The following MERTK variants were observed in gnomAD, a reference collection of about 807,000 sequenced individuals.
The protein encoded by MERTK is MER proto-oncogene, tyrosine kinase.
MERTK carries 69 observed loss-of-function variants against 99.3 expected under a neutral mutation model. The observed-to-expected ratio is 0.70, with a 90% CI of 0.57 to 0.85. The LOEUF (loss-of-function observed/expected upper bound fraction) is 0.85, where lower values mean the gene tolerates loss of function less well. Ranked by LOEUF, MERTK falls within the 40% of genes least tolerant of loss-of-function variation. MERTK has a pLI of 0.00. For synonymous variants in MERTK, 426 were observed against 467.6 expected (o/e 0.91, Z 1.15); for missense variants, 1,125 against 1,249.4 (o/e 0.90, Z 1.50).
chr2:111,902,548 C>A (rs1476946952), intron 1 of MERTK, among the ~76,000 whole-genome samples: 1 of 152,136 alleles, frequency 6.6e-6, no homozygotes, highest in African/African-American at 2.4e-5. Context: ...TGTCTTCTTT[C>A]TAGGGCCTGA....
Position 112,028,970 on chromosome 2 carries a change from TC to T in MERTK, c.*108del. The T allele has an allele frequency of 6.3e-7, 1 of 1,597,362 alleles. No individual in the cohort carries two copies. Among genetic ancestry groups the T allele is most frequent in the Non-Finnish European group, 8.5e-7 (1 of 1,172,334 alleles). ...TATTTGTCTTCCTTACCAAGTGAAC[TC>T]CATGGCCCCAAAGCACCAGATGAAT... is the stretch of plus-strand genomic sequence containing the variant. On this transcript the variant is annotated 3_prime_UTR_variant, in exon 19 of 19. Coordinates refer to ENST00000295408, the MANE Select transcript of MERTK (RefSeq NM_006343.3).
At chr2:111,901,101 A>G (rs919625667) in intron 1 of MERTK, among the ~76,000 whole-genome samples, 2 of 152,214 alleles carry the variant, frequency 1.3e-5, no homozygotes. Flanking sequence ...CTGCCAAACC[A>G]GGAGCATTTC....
chr2:111,919,571 A>G (rs1684415798), intron 1 of MERTK, among the ~76,000 whole-genome samples: 1 of 151,996 alleles, frequency 6.6e-6, no homozygotes, highest in Non-Finnish European at 1.5e-5. Context: ...CCCCCATGGT[A>G]GGGACATGGA....
chr2:112,001,987 T>A (rs530998437), intron 11 of MERTK, among the ~76,000 whole-genome samples: 2 of 152,104 alleles, frequency 1.3e-5, no homozygotes, highest in Non-Finnish European at 2.9e-5. Context: ...AATTTTAAAA[T>A]TTGTCATTTA....
intron 9 of MERTK, chr2:111,996,956 A>G (rs1180653405): frequency 3.0e-5 from 9 of 299,782 alleles, no homozygotes; most frequent in Middle Eastern, 4.5e-4. Context: ...TTTAAACTAC[A>G]GTAGAAGTAA....
chr2:112,028,183 C>A, intron 18 of MERTK, 168 bp from the exon 19 acceptor site: 1 of 734,112 alleles, frequency 1.4e-6, no homozygotes, highest in Non-Finnish European at 2.2e-6. Context: ...GGAACATTTA[C>A]AAAAGTTGTA....
chr2:111,982,949 G>A lies in MERTK; in HGVS notation c.1252G>A (p.Val418Met), dbSNP rs1324077557. The change falls in exon 8 of 19, where the codon GTG becomes ATG. Residue 418 changes from valine to methionine, a missense_variant. By Grantham distance (21) the Val-to-Met change is conservative (BLOSUM62 1). Transcript: ENST00000295408. ...PPTKQQDGEL[V>M]GYRISHVWQS... is the part of the protein sequence containing the mutation. The stretch of plus-strand genomic sequence containing the variant: ...GACTAAGCAGCAGGATGGAGAACTG[G>A]TGGGCTACCGGATATCCCACGTGTG... The A allele has an allele frequency of 6.2e-7, 1 of 1,614,084 alleles. No individual in the cohort carries two copies. Among genetic ancestry groups the A allele is most frequent in the Non-Finnish European group, 8.5e-7 (1 of 1,180,038 alleles).
chr2:111,991,070 T>C (rs978749328), intron 8 of MERTK, among the ~76,000 whole-genome samples: 1 of 152,148 alleles, frequency 6.6e-6, no homozygotes, highest in Non-Finnish European at 1.5e-5. Flanking sequence ...GTGTTAGTTA[T>C]GTCTCAGCAA....
intron 8 of MERTK, among the ~76,000 whole-genome samples, chr2:111,983,201 CACTT>C (rs1676407692): frequency 6.6e-6 from 1 of 152,182 alleles, no homozygotes; most frequent in Non-Finnish European, 1.5e-5. Context: ...GGACTTTCCT[CACTT>C]ACTCATTCAT....
intron 1 of MERTK, among the ~76,000 whole-genome samples, chr2:111,905,996 C>T (rs1684130437): frequency 6.6e-6 from 1 of 152,178 alleles, no homozygotes; most frequent in African/African-American, 2.4e-5. Context: ...CTTAGAGAAA[C>T]CCCATTTCAT....
At chr2:111,903,057 G>A (rs868378333) in intron 1 of MERTK, among the ~76,000 whole-genome samples, 1 of 152,176 alleles carries the variant, frequency 6.6e-6, no homozygotes, top group Non-Finnish European at 1.5e-5. Flanking sequence ...GAGATTACAG[G>A]CGTGAGCTAT....
At chr2:111,977,877 T>A (rs1319901141) in intron 7 of MERTK, among the ~76,000 whole-genome samples, 1 of 152,196 alleles carries the variant, frequency 6.6e-6, no homozygotes, top group African/African-American at 2.4e-5. Flanking sequence ...CACCGTAATT[T>A]TTATCTCTTT....
rs145762025 is a variant in MERTK, at chr2:111,959,530, G to T, written c.758-5661G>T. Among the ~76,000 whole-genome samples the T allele has an allele frequency of 4.4e-3, 668 of 151,950 alleles. 5 individuals are homozygous for T. Among genetic ancestry groups the T allele is most frequent in the African/African-American group, 0.014 (570 of 41,408 alleles). On this transcript the variant is annotated intron_variant, in intron 4 of 18. Coordinates refer to ENST00000295408, the MANE Select transcript of MERTK (RefSeq NM_006343.3). ...GTGTGTGACAGAGCCTGACTCTGTC[G>T]CCCAGCCTGGAGTGCTCACTGTAGC...
chr2:111,940,681 G>C, intron 2 of MERTK: 2 of 743,896 alleles, frequency 2.7e-6, no homozygotes, highest in South Asian at 1.3e-5. Flanking sequence ...ATTTATCAAT[G>C]GTTCTGCATT....
intron 1 of MERTK, among the ~76,000 whole-genome samples, chr2:111,908,914 C>T (rs944149652): frequency 6.6e-6 from 1 of 152,164 alleles, no homozygotes; most frequent in African/African-American, 2.4e-5. Flanking sequence ...GTGACTGGAA[C>T]ATCTCAACAG....
intron 6 of MERTK, among the ~76,000 whole-genome samples, chr2:111,971,536 C>T (rs554070866): frequency 6.6e-6 from 1 of 152,222 alleles, no homozygotes. Flanking sequence ...AGTTTTCTGT[C>T]ATTTTCCTTG....
intron 10 of MERTK, among the ~76,000 whole-genome samples, chr2:111,998,881 A>G (rs1051274900): frequency 3.9e-5 from 6 of 152,244 alleles, no homozygotes; most frequent in African/African-American, 1.4e-4. Flanking sequence ...ATTGTTATCT[A>G]TGTCGAAGTC....
intron 7 of MERTK, among the ~76,000 whole-genome samples, chr2:111,980,852 CCTT>C (rs1300418288): frequency 4.6e-5 from 7 of 152,148 alleles, no homozygotes; most frequent in African/African-American, 1.7e-4. Flanking sequence ...GTTAATTATA[CCTT>C]CTTCATCTCT....
At chr2:111,978,815 TAGTG>T (rs888698016) in intron 7 of MERTK, among the ~76,000 whole-genome samples, 1 of 152,224 alleles carries the variant, frequency 6.6e-6, no homozygotes, top group Non-Finnish European at 1.5e-5. Context: ...TTTCTGTAAA[TAGTG>T]AGCTTTGTTT....
Sources: gnomAD v4.1 joint callset for allele counts (sites outside exome capture counted in the v4.1 genomes callset) on GRCh38, gnomAD v4.1.1 for gene constraint, MANE v1.5 for transcripts, NCBI Gene and HGNC (gene_info 2026-07-23, HGNC 2026-07-21) for gene names.